The following SUPT3H variants were observed in gnomAD, a reference collection of about 807,000 sequenced individuals.
SUPT3H encodes the protein transcription initiation protein SPT3 homolog.
In SUPT3H, 44 loss-of-function variants were observed where a neutral mutation model predicts 44.3. That is an observed-to-expected ratio of 0.99 (90% CI 0.78 to 1.28). SUPT3H has a LOEUF of 1.28. Ranked by LOEUF, SUPT3H falls within the 50% of genes most tolerant of loss-of-function variation. SUPT3H has a pLI of 0.00. For synonymous variants in SUPT3H, 124 were observed against 125.6 expected (o/e 0.99, Z 0.09); for missense variants, 380 against 387.1 (o/e 0.98, Z 0.15).
intron 9 of SUPT3H, among the ~76,000 whole-genome samples, chr6:44,944,455 A>T (rs1387689300): frequency 6.6e-6 from 1 of 152,024 alleles, no homozygotes; most frequent in African/African-American, 2.4e-5. Flanking sequence ...AGAATTATGG[A>T]CTACAATTAA....
chr6:45,304,439 A>G (rs1288486740), intron 2 of SUPT3H, among the ~76,000 whole-genome samples: 2 of 152,162 alleles, frequency 1.3e-5, no homozygotes, highest in African/African-American at 2.4e-5. Context: ...TATGTAATAA[A>G]TTTTTCCACT....
rs1038870120 is a variant in SUPT3H at position 45,233,207 on chromosome 6, C to T, written c.102-127201G>A. ...CCCTGTGGGCTAGAGTACTGAGGAC[C>T]CTTCAGCACTTTTGGGCTGGGTCCA... On this transcript the variant is annotated intron_variant, in intron 2 of 10. Transcript: ENST00000371459. 7.9e-5 allele frequency among the ~76,000 whole-genome samples: 12 copies of T among 152,306 alleles called. 1 individual carries two copies. The East Asian group carries it at 2.3e-3, about 29-fold the overall frequency.
intron 2 of SUPT3H, chr6:45,328,510 T>G (rs766020703): frequency 6.0e-5 from 93 of 1,544,756 alleles, no homozygotes; most frequent in Non-Finnish European, 7.9e-5. Flanking sequence ...GTCCTTCAAA[T>G]ATTTGCTCAT....
chr6:45,158,298 A>ATATATATATATATATATATATAAT, intron 2 of SUPT3H, among the ~76,000 whole-genome samples: 2 of 99,684 alleles, frequency 2.0e-5, no homozygotes, highest in Admixed American at 1.3e-4. Flanking sequence ...ATATATATAT[A>ATATATATATATATATATATATAAT]TTTTTTTTTT....
At chr6:45,173,191 T>C (rs1045150436) in intron 2 of SUPT3H, among the ~76,000 whole-genome samples, 3 of 152,226 alleles carry the variant, frequency 2.0e-5, no homozygotes, top group African/African-American at 7.2e-5. Flanking sequence ...TGTTAATTCT[T>C]GTTTCTTCAC....
At position 45,224,870 on chromosome 6, in the gene SUPT3H, T is replaced by C. The variant is rs1422232497; in HGVS notation, c.102-118864A>G. On this transcript the variant is annotated intron_variant, in intron 2 of 10. Coordinates refer to ENST00000371459, the MANE Select transcript of SUPT3H (RefSeq NM_003599.4). ...TCAAGGTAAGATAATTTTTCATTTA[T>C]TATAATATCTATCATTGCCACTATA... Among the ~76,000 whole-genome samples, 3 of 152,078 alleles carry C rather than the reference T, an allele frequency of 2.0e-5. No homozygotes were observed. In the East Asian group the frequency reaches 5.8e-4, roughly 29 times the overall value.
chr6:45,024,290 T>C (rs115746704), intron 3 of SUPT3H, among the ~76,000 whole-genome samples: 2,075 of 152,300 alleles, frequency 0.014, 54 homozygotes, highest in African/African-American at 0.047. Context: ...ACCCTATAAA[T>C]AAATCTGTTC....
rs1393328816 is a variant in SUPT3H, at chr6:44,954,614, A to G, written c.581-7T>C. On this transcript the variant is annotated splice_polypyrimidine_tract_variant and splice_region_variant and intron_variant, in intron 7 of 10. Transcript: ENST00000371459. Reference sequence around the variant, plus strand: ...AATTTGGAAGCTTTTTTGGCTGGCCATTTAAAAAAAACAAGTGCAGAAATT... The same window carrying G: ...AATTTGGAAGCTTTTTTGGCTGGCCGTTTAAAAAAAACAAGTGCAGAAATT... 3 of 1,589,704 alleles carry G rather than the reference A, an allele frequency of 1.9e-6. No homozygotes were observed. Among genetic ancestry groups the G allele is most frequent in the Non-Finnish European group, 2.6e-6 (3 of 1,160,420 alleles).
intron 2 of SUPT3H, among the ~76,000 whole-genome samples, chr6:45,238,860 G>C (rs1769729324): frequency 6.6e-6 from 1 of 152,186 alleles, no homozygotes; most frequent in Non-Finnish European, 1.5e-5. Context: ...AACCCATTTA[G>C]CTGACTTTGT....
chr6:45,252,561 C>T (rs1772558577), intron 2 of SUPT3H, among the ~76,000 whole-genome samples: 1 of 151,748 alleles, frequency 6.6e-6, no homozygotes, highest in Non-Finnish European at 1.5e-5. Flanking sequence ...AATTTCACAT[C>T]CAGGAATGGC....
intron 3 of SUPT3H, among the ~76,000 whole-genome samples, chr6:45,103,109 A>G (rs1798819479): frequency 6.6e-6 from 1 of 152,206 alleles, no homozygotes; most frequent in South Asian, 2.1e-4. Flanking sequence ...TGACTTTTTG[A>G]AAATAACTGT....
Position 44,827,096 on chromosome 6 carries a change from G to A in SUPT3H, c.*2720C>T, listed in dbSNP as rs1396721060. On this transcript the variant is annotated 3_prime_UTR_variant, in exon 11 of 11. Coordinates refer to ENST00000371459, the MANE Select transcript of SUPT3H (RefSeq NM_003599.4). ...AATCTAGGAAGCAGTATCAAGAGAC[G>A]CTATTTATTTATTGGCTTATTTATT... is the stretch of plus-strand genomic sequence containing the variant. Among the ~76,000 whole-genome samples, 1 of 151,988 alleles carries A rather than the reference G, an allele frequency of 6.6e-6. No individual in the cohort carries two copies. Among genetic ancestry groups the A allele is most frequent in the Non-Finnish European group, 1.5e-5 (1 of 67,942 alleles).
chr6:44,941,172 C>T (rs1032062702), intron 9 of SUPT3H, among the ~76,000 whole-genome samples: 1 of 151,982 alleles, frequency 6.6e-6, no homozygotes, highest in African/African-American at 2.4e-5. Context: ...TGGAATTCTG[C>T]CAAATTGCCA....
intron 11 of SUPT3H, among the ~76,000 whole-genome samples, chr6:44,810,659 G>C (rs948048002): frequency 1.5e-4 from 23 of 150,904 alleles, no homozygotes; most frequent in African/African-American, 5.3e-4. Flanking sequence ...TGTAATCCCA[G>C]CACTTTGGGA....
At chr6:44,911,820 T>C (rs753355872) in intron 10 of SUPT3H, among the ~76,000 whole-genome samples, 2 of 152,196 alleles carry the variant, frequency 1.3e-5, no homozygotes, top group Non-Finnish European at 2.9e-5. Flanking sequence ...GTGAGCATAT[T>C]TGGAACCTTG....
chr6:44,856,522 G>A (rs1773758294), intron 10 of SUPT3H, among the ~76,000 whole-genome samples: 1 of 152,142 alleles, frequency 6.6e-6, no homozygotes, highest in African/African-American at 2.4e-5. Context: ...CAGTAAAAGT[G>A]CCCTAAAATG....
chr6:45,174,799 T>C (rs1163594590), intron 2 of SUPT3H, among the ~76,000 whole-genome samples: 1 of 152,020 alleles, frequency 6.6e-6, no homozygotes, highest in Non-Finnish European at 1.5e-5. Context: ...AAATTAGGTA[T>C]AGAATAAAAA....
intron 10 of SUPT3H, among the ~76,000 whole-genome samples, chr6:44,872,652 T>C (rs1397050283): frequency 8.1e-6 from 1 of 124,096 alleles, no homozygotes; most frequent in Non-Finnish European, 1.7e-5. Flanking sequence ...ATAACAATAT[T>C]AACTTTAAAT....
At position 44,977,367 on chromosome 6, in the gene SUPT3H, G is replaced by A. The variant is rs538434719; in HGVS notation, c.505-15539C>T. On this transcript the variant is annotated intron_variant, in intron 6 of 10. Transcript: ENST00000371459. Reference sequence around the variant, plus strand: ...TATTTACATGTTTATCCACTCAACAGCTGTGTCAGGGAGAAAGATAAGCTA... The same window carrying A: ...TATTTACATGTTTATCCACTCAACAACTGTGTCAGGGAGAAAGATAAGCTA... Among the ~76,000 whole-genome samples the A allele has an allele frequency of 1.7e-4, 26 of 152,286 alleles. No homozygotes were observed. The South Asian group carries it at 5.4e-3, about 32-fold the overall frequency.
Sources: gnomAD v4.1 joint callset for allele counts (sites outside exome capture counted in the v4.1 genomes callset) on GRCh38, gnomAD v4.1.1 for gene constraint, MANE v1.5 for transcripts, NCBI Gene and HGNC (gene_info 2026-07-23, HGNC 2026-07-21) for gene names.